Variants in GABRB2 observed in about 807,000 individuals in gnomAD.
GABRB2 encodes gamma-aminobutyric acid receptor subunit beta-2.
In GABRB2, 16 loss-of-function variants were observed where a neutral mutation model predicts 54.7. The ratio of observed to expected loss-of-function variants is 0.29; its 90% CI spans 0.20 to 0.44. The LOEUF is 0.44. GABRB2 is among the 20% of genes least tolerant of loss of function. The pLI, the probability that GABRB2 is intolerant of heterozygous loss-of-function variation, is 1.00. For missense variants in GABRB2, 355 were observed against 644.0 expected, an observed-to-expected ratio of 0.55 and a Z score of 4.86; for synonymous variants, 244 against 233.8, an observed-to-expected ratio of 1.04 and a Z score of -0.40.
At chr5:161,346,722 C>A (rs1468831672) in intron 5 of GABRB2, among the ~76,000 whole-genome samples, 2 of 152,066 alleles carry the variant, frequency 1.3e-5, no homozygotes, top group African/African-American at 2.4e-5. Context: ...ACTAATAAGA[C>A]AAATTTTCAT....
intron 3 of GABRB2, among the ~76,000 whole-genome samples, chr5:161,497,831 G>A (rs1759303739): frequency 6.6e-6 from 1 of 152,110 alleles, no homozygotes; most frequent in Non-Finnish European, 1.5e-5. Context: ...ATGCTGGCCT[G>A]CCCTCAAACC....
intron 3 of GABRB2, among the ~76,000 whole-genome samples, chr5:161,514,189 T>C (rs1759864387): frequency 6.6e-6 from 1 of 152,144 alleles, no homozygotes; most frequent in South Asian, 2.1e-4. Flanking sequence ...TTGCTGATTA[T>C]ATGACCAGAG....
chr5:161,383,070 C>T (rs374009422), intron 5 of GABRB2, among the ~76,000 whole-genome samples: 37 of 152,044 alleles, frequency 2.4e-4, no homozygotes, highest in Non-Finnish European at 3.8e-4. Context: ...TTTTAAAATA[C>T]GTAATTGACA....
At chr5:161,440,227 G>A (rs1580988075) in intron 4 of GABRB2, among the ~76,000 whole-genome samples, 3 of 152,184 alleles carry the variant, frequency 2.0e-5, no homozygotes, top group Admixed American at 6.5e-5. Context: ...AATGGTAGGA[G>A]TAAGTCTTTA....
intron 5 of GABRB2, among the ~76,000 whole-genome samples, chr5:161,370,052 A>G (rs1755088752): frequency 6.6e-6 from 1 of 152,146 alleles, no homozygotes; most frequent in South Asian, 2.1e-4. Flanking sequence ...AAAGTTCAGT[A>G]TGATGAAACT....
At chr5:161,379,878 T>G (rs1347899572) in intron 5 of GABRB2, among the ~76,000 whole-genome samples, 2 of 152,074 alleles carry the variant, frequency 1.3e-5, no homozygotes, top group Admixed American at 1.3e-4. Context: ...ACTGCACTCT[T>G]TCTGGAGAGA....
intron 3 of GABRB2, among the ~76,000 whole-genome samples, chr5:161,488,228 G>GT (rs72084883): frequency 0.048 from 6,721 of 141,032 alleles, 179 homozygotes; most frequent in African/African-American, 0.065. Flanking sequence ...TTTGCTTTTA[G>GT]TTTTTTTTTT....
chr5:161,346,168 G>A (rs993234511), intron 5 of GABRB2, among the ~76,000 whole-genome samples: 1 of 152,082 alleles, frequency 6.6e-6, no homozygotes, highest in African/African-American at 2.4e-5. Context: ...GAAACTTCTT[G>A]ATGTTGCTGA....
chr5:161,506,722 T>C (rs774528016), intron 3 of GABRB2, among the ~76,000 whole-genome samples: 1 of 152,066 alleles, frequency 6.6e-6, no homozygotes, highest in Non-Finnish European at 1.5e-5. Context: ...GTAATCAAGG[T>C]AGTGGTGCTG....
chr5:161,319,097 T>C (rs1358435980), intron 9 of GABRB2, among the ~76,000 whole-genome samples: 1 of 151,288 alleles, frequency 6.6e-6, no homozygotes, highest in East Asian at 1.9e-4. Context: ...CAATATTCCT[T>C]ACTTTCCCTA....
chr5:161,520,998 G>T (rs1175550605), intron 3 of GABRB2, among the ~76,000 whole-genome samples: 1 of 151,964 alleles, frequency 6.6e-6, no homozygotes, highest in Non-Finnish European at 1.5e-5. Flanking sequence ...TCTATGTCTT[G>T]TTGCCTGTGA....
At chr5:161,484,113 C>G (rs1325764256) in intron 3 of GABRB2, among the ~76,000 whole-genome samples, 4 of 151,844 alleles carry the variant, frequency 2.6e-5, no homozygotes, top group Non-Finnish European at 1.5e-5. Context: ...GTTCTATACC[C>G]ACTCTGATTG....
chr5:161,358,813 T>C (rs924614515), intron 5 of GABRB2, among the ~76,000 whole-genome samples: 15 of 152,022 alleles, frequency 9.9e-5, no homozygotes, highest in Admixed American at 9.8e-4. Context: ...GGGGAGAAGG[T>C]ATGAAGTAGT....
intron 3 of GABRB2, among the ~76,000 whole-genome samples, chr5:161,479,242 C>G (rs1758682387): frequency 6.6e-6 from 1 of 152,036 alleles, no homozygotes; most frequent in South Asian, 2.1e-4. Context: ...CTGTCTACAT[C>G]AGATATTCTT....
intron 5 of GABRB2, among the ~76,000 whole-genome samples, chr5:161,405,495 T>C (rs1327910278): frequency 6.6e-6 from 1 of 152,068 alleles, no homozygotes; most frequent in Admixed American, 6.6e-5. Context: ...AGAAGCTAAG[T>C]GACCTGTTTA....
chr5:161,480,594 A>G (rs1758733888), intron 3 of GABRB2, among the ~76,000 whole-genome samples: 1 of 152,030 alleles, frequency 6.6e-6, no homozygotes, highest in Non-Finnish European at 1.5e-5. Context: ...GGTGGTAATT[A>G]TTTAAACAAA....
intron 5 of GABRB2, among the ~76,000 whole-genome samples, chr5:161,339,082 G>A (rs1048913034): frequency 9.9e-5 from 15 of 151,990 alleles, no homozygotes; most frequent in Admixed American, 9.2e-4. Context: ...TTATGAAATC[G>A]TTCAGAGACA....
intron 5 of GABRB2, among the ~76,000 whole-genome samples, chr5:161,360,689 T>C (rs1754783572): frequency 1.3e-5 from 2 of 152,028 alleles, no homozygotes; most frequent in African/African-American, 2.4e-5. Flanking sequence ...TTCTCTGAGG[T>C]GTGATGAATA....
intron 5 of GABRB2, among the ~76,000 whole-genome samples, chr5:161,382,397 C>A (rs1755497142): frequency 6.6e-6 from 1 of 152,150 alleles, no homozygotes; most frequent in African/African-American, 2.4e-5. Context: ...CAGAACAAAT[C>A]CATTTATCCT....
Sources: gnomAD v4.1 joint callset for allele counts (sites outside exome capture counted in the v4.1 genomes callset) on GRCh38, gnomAD v4.1.1 for gene constraint, MANE v1.5 for transcripts, NCBI Gene and HGNC (gene_info 2026-07-23, HGNC 2026-07-21) for gene names.